FANCD2: variants seen among roughly 807,000 people sequenced by gnomAD.
The protein encoded by FANCD2 is FA complementation group D2, also known as Fanconi anemia group D2 protein.
Under a neutral mutation model 192.3 loss-of-function variants are expected in FANCD2, and 131 were observed. The ratio of observed to expected loss-of-function variants is 0.68; its 90% CI spans 0.59 to 0.79. The LOEUF is 0.79. Among genes scored for constraint, FANCD2 ranks in the 30% least tolerant of loss-of-function variants. FANCD2 has a pLI of 0.00. For missense variants in FANCD2, 1,508 were observed against 1,701.6 expected (o/e 0.89, Z 2.00); for synonymous variants, 524 against 612.5 (o/e 0.86, Z 2.13).
intron 40 of FANCD2, 125 bp from the exon 41 acceptor site, chr3:10,095,074 TG>T (rs1302186784): frequency 2.6e-6 from 2 of 774,030 alleles, no homozygotes; most frequent in African/African-American, 3.4e-5. Flanking sequence ...CAAATTAAGA[TG>T]ATTATCAGCA....
At chr3:10,074,436 A>G in intron 28 of FANCD2, 94 bp from the exon 29 acceptor site, 1 of 1,149,538 alleles carries the variant, frequency 8.7e-7, no homozygotes, top group Non-Finnish European at 1.2e-6. Flanking sequence ...TTTTTGCATT[A>G]AATAAATGCA....
intron 29 of FANCD2, 138 bp from the exon 30 acceptor site, chr3:10,077,943 A>G: frequency 1.4e-6 from 1 of 734,990 alleles, no homozygotes; most frequent in East Asian, 2.6e-5. Context: ...CTGAGATGGG[A>G]GGATAACTTG....
At chr3:10,077,130 G>A (rs760838620) in intron 29 of FANCD2, among the ~76,000 whole-genome samples, 21 of 143,424 alleles carry the variant, frequency 1.5e-4, no homozygotes, top group African/African-American at 2.1e-4. Context: ...CTACCTGGGC[G>A]GCTGAGGTGG....
At chr3:10,047,067 T>A (rs1343150410) in intron 15 of FANCD2, among the ~76,000 whole-genome samples, 1 of 152,302 alleles carries the variant, frequency 6.6e-6, no homozygotes, top group Non-Finnish European at 1.5e-5. Context: ...TTATTCAAAG[T>A]GGAATTTTAT....
In FANCD2 at chr3:10,035,281, G is replaced by T. The variant is rs373802239; in HGVS notation, c.438+48G>T. On this transcript the variant is annotated intron_variant, in intron 6 of 43. Transcript: ENST00000675286. Reference sequence around the variant, plus strand: ...GAACATTTGATGGAAGAGGTTTGTGGTGTATGCTCAAGTCTAAATAGCGGG... The same window carrying T: ...GAACATTTGATGGAAGAGGTTTGTGTTGTATGCTCAAGTCTAAATAGCGGG... 87 of 1,513,900 alleles carry T rather than the reference G, an allele frequency of 5.7e-5. No homozygotes were observed. The South Asian group carries it at 7.8e-4, about 13-fold the overall frequency. The allele number at this position is 1,513,900 out of a possible 1,614,324, so 93.8% of individuals were successfully genotyped here.
At chr3:10,070,762 CTT>C (rs1559393271) in intron 26 of FANCD2, among the ~76,000 whole-genome samples, 2 of 146,156 alleles carry the variant, frequency 1.4e-5, no homozygotes, top group Non-Finnish European at 3.0e-5. Flanking sequence ...ACATGGGAGA[CTT>C]TTCATTTTGT....
rs778794561 is a variant in FANCD2, at chr3:10,085,897, A to G, written c.3310A>G (p.Ser1104Gly). The G allele has an allele frequency of 3.1e-6, 5 of 1,612,976 alleles. No individual in the cohort carries two copies. In the African/African-American group the frequency reaches 6.7e-5, roughly 22 times the overall value. ...LSSRLKQGEH[S>G]QPLEELLSQS... ...TAGCCGACTGAAACAGGGAGAACAC[A>G]GCCAGCCTTTGGAGGAACTACTCAG... Residue 1104 changes from serine (S) to glycine (G), a missense_variant, in exon 33 of 44, where the codon AGC becomes GGC. By Grantham distance (56) the Ser-to-Gly change is moderately conservative (BLOSUM62 0). This residue lies in a region of FANCD2 where 796 missense variants were observed against 879.4 expected (regional missense o/e 0.91). Coordinates refer to ENST00000675286, the MANE Select transcript of FANCD2 (RefSeq NM_001018115.3).
intron 17 of FANCD2, among the ~76,000 whole-genome samples, chr3:10,051,504 G>A (rs1477080056): frequency 2.0e-5 from 3 of 147,888 alleles, no homozygotes; most frequent in South Asian, 4.6e-4. Context: ...GATACCTCTG[G>A]TAACCTCTGA....
intron 39 of FANCD2, among the ~76,000 whole-genome samples, chr3:10,093,841 T>C (rs1459265291): frequency 6.6e-6 from 1 of 152,238 alleles, no homozygotes; most frequent in Non-Finnish European, 1.5e-5. Flanking sequence ...TCTTGTCATC[T>C]CCTGGTCACT....
chr3:10,033,118 T>C, intron 3 of FANCD2, 146 bp downstream of exon 3: 2 of 783,212 alleles, frequency 2.6e-6, no homozygotes, highest in Non-Finnish European at 4.2e-6. Context: ...TTTTAGAAAA[T>C]GGTACAGTCA....
chr3:10,096,967 G>GA, intron 42 of FANCD2, among the ~76,000 whole-genome samples: 1 of 152,156 alleles, frequency 6.6e-6, no homozygotes, highest in Non-Finnish European at 1.5e-5. Context: ...TAAAGGGACA[G>GA]AGTACAAAAG....
Position 10,047,908 on chromosome 3 carries a change from CCACT to C in FANCD2, c.1279-6_1279-3del. 6.2e-7 allele frequency: 1 copy of C among 1,612,286 alleles called. No homozygotes were observed. The highest frequency in any genetic ancestry group is 8.5e-7 in the Non-Finnish European group (1 of 1,180,026). ...GCTTCTTTTCTCTCTCTACTCTTCC[CCACT>C]CAAGGTTCTTAAGGATATGTGTTCA... On this transcript the variant is annotated splice_region_variant and splice_polypyrimidine_tract_variant and intron_variant, in intron 15 of 43. Coordinates refer to ENST00000675286, the MANE Select transcript of FANCD2 (RefSeq NM_001018115.3).
intron 29 of FANCD2, among the ~76,000 whole-genome samples, chr3:10,075,497 GA>G (rs1693484309): frequency 6.6e-6 from 1 of 151,914 alleles, no homozygotes; most frequent in Admixed American, 6.6e-5. Context: ...TAGCTTTATT[GA>G]TGCCAAATAC....
intron 23 of FANCD2, among the ~76,000 whole-genome samples, chr3:10,065,116 CTG>C (rs1300289507): frequency 6.6e-6 from 1 of 152,156 alleles, no homozygotes; most frequent in Admixed American, 6.5e-5. Context: ...TGGCGAAACA[CTG>C]TCTCTACTAA....
chr3:10,058,839 T>C (rs560725116), intron 18 of FANCD2, among the ~76,000 whole-genome samples: 1 of 152,290 alleles, frequency 6.6e-6, no homozygotes, highest in African/African-American at 2.4e-5. Context: ...TGAAATTCCA[T>C]GTGAATTTTG....
rs1386538965 is a variant in FANCD2 at position 10,073,303 on chromosome 3, T to C, written c.2656T>C (p.Ser886Pro). 6.2e-7 allele frequency: 1 copy of C among 1,614,094 alleles called. No individual in the cohort carries two copies. Among genetic ancestry groups the C allele is most frequent in the South Asian group, 1.1e-5 (1 of 91,078 alleles). ...CAAGACATCCTCCTCTGACACACTT[T>C]CAGAAGAGAAAAATTCAGAATGTGA... ...GSKTSSSDTL[S>P]EEKNSECDPT... Residue 886 changes from serine to proline, a missense_variant, in exon 28 of 44, where the codon TCA becomes CCA. This residue lies in a region of FANCD2 where 796 missense variants were observed against 879.4 expected (regional missense o/e 0.91). Coordinates refer to ENST00000675286, the MANE Select transcript of FANCD2 (RefSeq NM_001018115.3).
Position 10,035,198 on chromosome 3 carries a change from C to T in FANCD2, c.403C>T (p.Leu135Phe). The T allele has an allele frequency of 6.2e-7, 1 of 1,613,478 alleles. No homozygotes were observed. The highest frequency in any genetic ancestry group is 2.2e-5 in the East Asian group (1 of 44,860). The change falls in exon 6 of 44, where the codon CTC becomes TTC. Residue 135 changes from leucine to phenylalanine, a missense_variant. By Grantham distance (22) the Leu-to-Phe change is conservative. This residue lies in a region of FANCD2 where 435 missense variants were observed against 421.9 expected (regional missense o/e 1.03). Coordinates refer to ENST00000675286, the MANE Select transcript of FANCD2 (RefSeq NM_001018115.3). ...ASMGASYSKS[L>F]IKLLLGIDIL... Reference sequence around the variant, plus strand: ...TATGGGTGCATCTTATTCTAAGAGTCTCATCAAACTGCTTCTGGGGATTGA... The same window carrying T: ...TATGGGTGCATCTTATTCTAAGAGTTTCATCAAACTGCTTCTGGGGATTGA...
intron 23 of FANCD2, 86 bp downstream of exon 23, chr3:10,064,961 A>C: frequency 6.9e-7 from 1 of 1,451,900 alleles, no homozygotes; most frequent in Non-Finnish European, 9.7e-7. Context: ...AAGTTGAGTC[A>C]AAAAAGTTTC....
intron 42 of FANCD2, 70 bp from the exon 43 acceptor site, chr3:10,098,650 C>CA (rs1695121448): frequency 6.4e-7 from 1 of 1,574,256 alleles, no homozygotes; most frequent in East Asian, 2.3e-5. Context: ...CCTGTAAACT[C>CA]AACCTTCTCC....
Sources: gnomAD v4.1 joint callset for allele counts (sites outside exome capture counted in the v4.1 genomes callset) on GRCh38, gnomAD v4.1.1 for gene constraint, gnomAD v4.1.1 regional missense constraint, MANE v1.5 for transcripts, NCBI Gene and HGNC (gene_info 2026-07-23, HGNC 2026-07-21) for gene names.